Variants in MTG2 observed in about 807,000 individuals in gnomAD.
MTG2 encodes the protein mitochondrial ribosome-associated GTPase 2.
In MTG2, 23 loss-of-function variants were observed where a neutral mutation model predicts 28.6. That is an observed-to-expected ratio of 0.80 (90% CI 0.58 to 1.14). MTG2 has a LOEUF of 1.14. MTG2 is among the 50% of genes most tolerant of loss of function. MTG2 has a pLI of 0.00. For synonymous variants in MTG2, 260 were observed against 251.8 expected (o/e 1.03, Z -0.31); for missense variants, 539 against 552.0 (o/e 0.98, Z 0.24).
chr20:62,199,457 A>G (rs2058122902), intron 6 of MTG2, among the ~76,000 whole-genome samples, 200 bp downstream of exon 6: 2 of 151,916 alleles, frequency 1.3e-5, no homozygotes, highest in Non-Finnish European at 2.9e-5. Context: ...CATCCTGGCT[A>G]ACATGGTGAA....
intron 4 of MTG2, 151 bp from the exon 5 acceptor site, chr20:62,198,483 G>C: frequency 2.6e-6 from 2 of 759,616 alleles, no homozygotes; most frequent in Non-Finnish European, 4.3e-6. Flanking sequence ...TTGTGCTCCG[G>C]AGCTGTTGGC....
At chr20:62,187,835 T>C (rs112570569) in intron 1 of MTG2, among the ~76,000 whole-genome samples, 15 of 152,346 alleles carry the variant, frequency 9.8e-5, no homozygotes, top group African/African-American at 3.4e-4. Context: ...ATTATTCTCC[T>C]CCTTCTACTC....
At chr20:62,194,830 T>C (rs2058030428) in intron 2 of MTG2, among the ~76,000 whole-genome samples, 1 of 152,188 alleles carries the variant, frequency 6.6e-6, no homozygotes, top group African/African-American at 2.4e-5. Flanking sequence ...TGGTAGGAGC[T>C]GTTGTGTGTT....
rs527555954 is a variant in MTG2 at position 62,184,219 on chromosome 20, G to A, written c.-6+1162G>A. 4.3e-4 allele frequency among the ~76,000 whole-genome samples: 66 copies of A among 152,302 alleles called. No individual in the cohort carries two copies. In the Middle Eastern group the frequency reaches 0.01, roughly 24 times the overall value. On this transcript the variant is annotated intron_variant, in intron 1 of 6. Coordinates refer to ENST00000370823, the MANE Select transcript of MTG2 (RefSeq NM_015666.4). ...TAAAAATACAAAAAAGTAGCCGGGC[G>A]TGGTGGCAGGCGCCTGTAATCCCAG...
chr20:62,198,786 C>T lies in MTG2; in HGVS notation c.621C>T (p.Thr207=). ...ACAACCGTGCCCCTGTGACCTGTAC[C>T]CCTGGACAGCCAGGACAGCAGCGAG... ...ANNNRAPVTC[T]PGQPGQQRVL... Residue 207 remains threonine (T), a synonymous_variant, in exon 5 of 7, where the codon ACC becomes ACT. Transcript: ENST00000370823. 1.2e-6 allele frequency: 2 copies of T among 1,614,144 alleles called. No individual in the cohort carries two copies. Among genetic ancestry groups the T allele is most frequent in the Non-Finnish European group, 1.7e-6 (2 of 1,180,046 alleles).
intron 3 of MTG2, 87 bp from the exon 4 acceptor site, chr20:62,197,765 A>T: frequency 9.1e-7 from 1 of 1,094,040 alleles, no homozygotes; most frequent in Non-Finnish European, 1.4e-6. Context: ...ACCTATTTTT[A>T]AGGTTCTTAA....
At chr20:62,200,531 T>G (rs199640715) in intron 6 of MTG2, 152 bp from the exon 7 acceptor site, 129,952 of 925,900 alleles carry the variant, frequency 0.14, 13,293 homozygotes, top group East Asian at 0.53. Context: ...TGGCTTCAGT[T>G]CAAGGCGTTC....
chr20:62,200,821 A>G lies in MTG2; in HGVS notation c.965A>G (p.Asp322Gly). The G allele has an allele frequency of 1.2e-6, 2 of 1,613,854 alleles. No individual in the cohort carries two copies. The highest frequency in any genetic ancestry group is 1.7e-6 in the Non-Finnish European group (2 of 1,180,020). Residue 322 changes from aspartate (D) to glycine (G), a missense_variant, in exon 7 of 7, where the codon GAC becomes GGC. Coordinates refer to ENST00000370823, the MANE Select transcript of MTG2 (RefSeq NM_015666.4). ...CAGCCTGAGCCGTGGACTCAAGTTG[A>G]CGATTTAAAATATGAACTGGAGATG... is the stretch of plus-strand genomic sequence containing the variant. ...LSQPEPWTQVDDLKYELEMYE... is the reference protein window; with the variant it reads ...LSQPEPWTQVGDLKYELEMYE...
At chr20:62,183,977 G>C (rs1262584075) in intron 1 of MTG2, among the ~76,000 whole-genome samples, 1 of 152,220 alleles carries the variant, frequency 6.6e-6, no homozygotes, top group East Asian at 1.9e-4. Context: ...GGAGGCCAGA[G>C]GATACTATGT....
chr20:62,199,258 G>A lies in MTG2; in HGVS notation c.826+1G>A. 1 of 1,608,948 alleles carries A rather than the reference G, an allele frequency of 6.2e-7. No individual in the cohort carries two copies. Among genetic ancestry groups the A allele is most frequent in the Admixed American group, 1.7e-5 (1 of 59,682 alleles). ...TACGAAGGCCACCTACAAATAGCAG[G>A]TAGAACTTCCAGAATTCTCCCAAAG... On this transcript the variant is annotated splice_donor_variant, in intron 6 of 6. Coordinates refer to ENST00000370823, the MANE Select transcript of MTG2 (RefSeq NM_015666.4). LOFTEE classifies it high-confidence loss of function.
intron 3 of MTG2, 120 bp downstream of exon 3, chr20:62,196,069 T>G: frequency 7.9e-7 from 1 of 1,258,876 alleles, no homozygotes; most frequent in Non-Finnish European, 1.1e-6. Context: ...TCCCAGCACT[T>G]GGAGAGGCTG....
rs189992426 is a variant in MTG2, at chr20:62,196,799, C to T, written c.352+850C>T. On this transcript the variant is annotated intron_variant, in intron 3 of 6. Coordinates refer to ENST00000370823, the MANE Select transcript of MTG2 (RefSeq NM_015666.4). ...ATCCCAGCACTTTGGGAGACCGAGG[C>T]GGGTGGATCGCTTAAGGTCAGGAGT... Among the ~76,000 whole-genome samples the T allele has an allele frequency of 2.8e-3, 427 of 151,996 alleles. 3 individuals are homozygous for T. The highest frequency in any genetic ancestry group is 9.7e-3 in the African/African-American group (404 of 41,446).
intron 1 of MTG2, among the ~76,000 whole-genome samples, chr20:62,184,231 G>A (rs529881383): frequency 7.9e-5 from 12 of 152,260 alleles, no homozygotes; most frequent in South Asian, 4.1e-4. Flanking sequence ...GGTGGCAGGC[G>A]CCTGTAATCC....
intron 1 of MTG2, among the ~76,000 whole-genome samples, chr20:62,184,187 T>C (rs999612447): frequency 1.3e-5 from 2 of 152,064 alleles, no homozygotes; most frequent in African/African-American, 4.8e-5. Flanking sequence ...TGAAACCCCA[T>C]CTCTACTAAA....
chr20:62,190,291 G>A (rs1184315019), intron 1 of MTG2, among the ~76,000 whole-genome samples: 1 of 152,206 alleles, frequency 6.6e-6, no homozygotes, highest in Non-Finnish European at 1.5e-5. Flanking sequence ...TGCCTTTCAT[G>A]TGGATTACTT....
At chr20:62,189,284 G>A (rs2057908131) in intron 1 of MTG2, among the ~76,000 whole-genome samples, 1 of 151,130 alleles carries the variant, frequency 6.6e-6, no homozygotes, top group African/African-American at 2.4e-5. Context: ...CAGCTTGGGT[G>A]ACAGAGTGAG....
At chr20:62,197,994 C>T (rs777461480) in intron 4 of MTG2, 27 bp downstream of exon 4, 3 of 1,596,662 alleles carry the variant, frequency 1.9e-6, no homozygotes, top group Admixed American at 3.3e-5. Context: ...GGACCTGGCC[C>T]TGTCCCCGTT....
chr20:62,183,665 G>A (rs956987306), intron 1 of MTG2, among the ~76,000 whole-genome samples: 6 of 152,138 alleles, frequency 3.9e-5, no homozygotes, highest in African/African-American at 1.4e-4. Flanking sequence ...GAGGAACGGC[G>A]TTCACACAGA....
At chr20:62,186,790 A>G (rs1265537819) in intron 1 of MTG2, among the ~76,000 whole-genome samples, 1 of 151,120 alleles carries the variant, frequency 6.6e-6, no homozygotes, top group Non-Finnish European at 1.5e-5. Flanking sequence ...CGGCCTCCCA[A>G]AGTGCTGGGA....
Sources: allele counts gnomAD v4.1 joint callset (sites outside exome capture counted in the v4.1 genomes callset), GRCh38; gene constraint gnomAD v4.1.1; transcripts MANE v1.5; gene names NCBI Gene and HGNC (gene_info 2026-07-23, HGNC 2026-07-21).